Variants in RAB15 observed in about 807,000 individuals in gnomAD.
RAB15 encodes RAB15, member RAS oncogene family.
Under a neutral mutation model 31.8 loss-of-function variants are expected in RAB15, and 13 were observed. That is an observed-to-expected ratio of 0.41 (90% CI 0.27 to 0.65). RAB15 has a LOEUF of 0.65. Among genes scored for constraint, RAB15 ranks in the 30% least tolerant of loss-of-function variants. The pLI, the probability that RAB15 is intolerant of heterozygous loss-of-function variation, is 0.32. For synonymous variants in RAB15, 100 were observed against 105.6 expected, an observed-to-expected ratio of 0.95 and a Z score of 0.33; for missense variants, 220 against 277.3, an observed-to-expected ratio of 0.79 and a Z score of 1.47.
At position 64,952,462 on chromosome 14, in the gene RAB15, C is replaced by G. The variant is rs553832273; in HGVS notation, c.185+49G>C. 6.9e-7 allele frequency: 1 copy of G among 1,443,000 alleles called. No individual in the cohort carries two copies. The highest frequency in any genetic ancestry group is 9.7e-7 in the Non-Finnish European group (1 of 1,027,686). 89.4% of individuals were successfully genotyped at this position (1,443,000 alleles called of 1,614,324 possible). Reference sequence around the variant, plus strand: ...CATGGCAGGGGCAGCTAAGGAGCAGCCAGAAGTCCTCTTCTCCTACATCTG... The same window carrying G: ...CATGGCAGGGGCAGCTAAGGAGCAGGCAGAAGTCCTCTTCTCCTACATCTG... On this transcript the variant is annotated intron_variant, in intron 2 of 6. Coordinates refer to ENST00000533601, the MANE Select transcript of RAB15 (RefSeq NM_001308154.2). This position sits in a 1 kb window ranked among gnomAD's most constrained non-coding sequence, Gnocchi z 4.2.
intron 5 of RAB15, among the ~76,000 whole-genome samples, chr14:64,949,996 A>G (rs1886158350): frequency 6.6e-6 from 1 of 152,128 alleles, no homozygotes; most frequent in African/African-American, 2.4e-5. Flanking sequence ...ATGCTGTCAG[A>G]GAAGAGGTTG....
At position 64,951,866 on chromosome 14, in the gene RAB15, C is replaced by T. The variant is rs1260207847; in HGVS notation, c.186-203G>A. Among the ~76,000 whole-genome samples, 1 of 152,222 alleles carries T rather than the reference C, an allele frequency of 6.6e-6. No homozygotes were observed. Among genetic ancestry groups the T allele is most frequent in the African/African-American group, 2.4e-5 (1 of 41,466 alleles). ...CCAGGCCTGCAGGGCCTTGGCCCCT[C>T]CTGCCAACTGCCCTCCTGGCAGAAA... On this transcript the variant is annotated intron_variant, in intron 2 of 6. Transcript: ENST00000533601. This position sits in a 1 kb window ranked among gnomAD's most constrained non-coding sequence, Gnocchi z 7.2.
intron 5 of RAB15, among the ~76,000 whole-genome samples, chr14:64,949,737 AAAG>A (rs948804582): frequency 1.8e-4 from 26 of 144,978 alleles, no homozygotes; most frequent in South Asian, 1.5e-3. Flanking sequence ...AAAAAAAAAA[AAAG>A]AAAGAAAGAA....
intron 1 of RAB15, among the ~76,000 whole-genome samples, chr14:64,969,145 A>G (rs573065785): frequency 6.6e-6 from 1 of 152,334 alleles, no homozygotes; most frequent in South Asian, 2.1e-4. Flanking sequence ...ATGGTCATGT[A>G]ATGTGTTTTA....
intron 1 of RAB15, among the ~76,000 whole-genome samples, chr14:64,967,200 C>T (rs1413349036): frequency 6.6e-6 from 1 of 152,208 alleles, no homozygotes; most frequent in Non-Finnish European, 1.5e-5. Flanking sequence ...CCTCCTCACC[C>T]AGAAGGAGTG....
rs1359283388 is a variant in RAB15, at chr14:64,962,417, G to A, written c.124+9536C>T. 2.0e-5 allele frequency among the ~76,000 whole-genome samples: 3 copies of A among 152,186 alleles called. No individual in the cohort carries two copies. Among genetic ancestry groups the A allele is most frequent in the Non-Finnish European group, 4.4e-5 (3 of 68,036 alleles). ...GGTACTAGAAGATAAGCTATGAACA[G>A]CACAGAAAGATCCTTGTCATCAGAG... On this transcript the variant is annotated intron_variant, in intron 1 of 6. Transcript: ENST00000533601. The surrounding 1 kb of genome is among the most constrained non-coding windows in gnomAD (Gnocchi z 4.2).
chr14:64,965,462 A>AAAAAT (rs1264757026), intron 1 of RAB15, among the ~76,000 whole-genome samples: 1 of 152,160 alleles, frequency 6.6e-6, no homozygotes, highest in Non-Finnish European at 1.5e-5. Flanking sequence ...TTCATCTCAA[A>AAAAAT]AAAATAAAAT....
In RAB15 at chr14:64,958,746, G is replaced by C. The variant is rs553147077; in HGVS notation, c.125-6175C>G. ...CTACACAGCTCTGGCAGAGGTTCTC[G>C]GAGACGCTGAGAGCCCCAGGAGGAG... On this transcript the variant is annotated intron_variant, in intron 1 of 6. Coordinates refer to ENST00000533601, the MANE Select transcript of RAB15 (RefSeq NM_001308154.2). The surrounding 1 kb of genome is among the most constrained non-coding windows in gnomAD (Gnocchi z 4.4). Among the ~76,000 whole-genome samples the C allele has an allele frequency of 1.3e-5, 2 of 152,152 alleles. No individual in the cohort carries two copies. The highest frequency in any genetic ancestry group is 4.8e-5 in the African/African-American group (2 of 41,420).
rs918223636 is a variant in RAB15 at position 64,947,973 on chromosome 14, G to A, written c.*381C>T. 14 of 194,344 alleles carry A rather than the reference G, an allele frequency of 7.2e-5. No individual in the cohort carries two copies. The highest frequency in any genetic ancestry group is 3.2e-4 in the African/African-American group (14 of 43,124). The allele number at this position is 194,344 out of a possible 1,614,324, so 12.0% of individuals were successfully genotyped here. On this transcript the variant is annotated 3_prime_UTR_variant, in exon 7 of 7. Transcript: ENST00000533601. The surrounding 1 kb of genome is among the most constrained non-coding windows in gnomAD (Gnocchi z 5.6). ...GAGGGGTCAGAGAAAGAGAAGTGGG[G>A]GAAGAGAGAAAAAGCAGAGAAGAGA...
chr14:64,963,612 C>T (rs972544865), intron 1 of RAB15, among the ~76,000 whole-genome samples: 3 of 152,218 alleles, frequency 2.0e-5, no homozygotes, highest in Non-Finnish European at 2.9e-5. Flanking sequence ...GACATAGAAA[C>T]TCAGGAGCAA....
rs895818249 is a variant in RAB15 at position 64,946,867 on chromosome 14, C to G, written c.*1487G>C. 1 of 152,698 alleles carries G rather than the reference C, an allele frequency of 6.5e-6. No homozygotes were observed. Among genetic ancestry groups the G allele is most frequent in the South Asian group, 2.1e-4 (1 of 4,816 alleles). The allele number at this position is 152,698 out of a possible 1,614,324, so 9.5% of individuals were successfully genotyped here. On this transcript the variant is annotated 3_prime_UTR_variant, in exon 7 of 7. Transcript: ENST00000533601. ...AGTAGAACTGGTAAATTACTTGTTC[C>G]GTCTTTAAAGGGCCTCCTACGAGCT...
At position 64,951,466 on chromosome 14, in the gene RAB15, C is replaced by T. The variant is rs1237350176; in HGVS notation, c.246+137G>A. On this transcript the variant is annotated intron_variant, in intron 3 of 6. Transcript: ENST00000533601. The surrounding 1 kb of genome is among the most constrained non-coding windows in gnomAD (Gnocchi z 7.2). ...AATGGACGGACAAATGATCAGTGAA[C>T]AGCTGAAAGACGCCCTGCGCTCCTC... The T allele has an allele frequency of 7.2e-6, 6 of 837,892 alleles. No homozygotes were observed. Among genetic ancestry groups the T allele is most frequent in the Admixed American group, 1.7e-5 (1 of 57,470 alleles). The allele number at this position is 837,892 out of a possible 1,614,324, so 51.9% of individuals were successfully genotyped here.
At position 64,952,872 on chromosome 14, in the gene RAB15, C is replaced by CA. The variant is rs1886337816; in HGVS notation, c.125-302dup. Among the ~76,000 whole-genome samples the CA allele has an allele frequency of 6.6e-6, 1 of 152,246 alleles. No homozygotes were observed. The highest frequency in any genetic ancestry group is 1.5e-5 in the Non-Finnish European group (1 of 68,034). On this transcript the variant is annotated intron_variant, in intron 1 of 6. Coordinates refer to ENST00000533601, the MANE Select transcript of RAB15 (RefSeq NM_001308154.2). This position sits in a 1 kb window ranked among gnomAD's most constrained non-coding sequence, Gnocchi z 4.2. ...ACTGCCTTACTCGACAGACTTAAAA[C>CA]ATGTCTCGTTCTAGTCATGTGTGAA...
In RAB15 at chr14:64,948,395, G is replaced by T. The variant is rs1172029311; in HGVS notation, c.598C>A (p.Pro200Thr). 2 of 1,611,330 alleles carry T rather than the reference G, an allele frequency of 1.2e-6. No individual in the cohort carries two copies. Among genetic ancestry groups the T allele is most frequent in the Admixed American group, 1.7e-5 (1 of 59,786 alleles). Residue 200 changes from proline to threonine, a missense_variant, in exon 7 of 7, where the codon CCC becomes ACC. Physicochemically the swap from Pro to Thr is conservative, Grantham distance 38. Transcript: ENST00000533601. The surrounding 1 kb of genome is among the most constrained non-coding windows in gnomAD (Gnocchi z 7.0). ...TTCGAAGAGTTCGCTGGGCCCTCGG[G>T]TTTGCCCTCCTCCTCCTCCAGCTCT... is the stretch of plus-strand genomic sequence containing the variant. The part of the protein sequence containing the change: ...LAELEEEEGK[P>T]EGPANSSKTC...
At chr14:64,959,803 G>A (rs1022920249) in intron 1 of RAB15, among the ~76,000 whole-genome samples, 13 of 140,536 alleles carry the variant, frequency 9.3e-5, no homozygotes, top group African/African-American at 2.7e-4. Flanking sequence ...AGTCTGGGAG[G>A]TTGAGGCTGC....
chr14:64,971,985 T>G lies in RAB15; in HGVS notation c.92A>C (p.Asn31Thr). 1.2e-6 allele frequency: 2 copies of G among 1,600,668 alleles called. No homozygotes were observed. Among genetic ancestry groups the G allele is most frequent in the Non-Finnish European group, 1.7e-6 (2 of 1,173,938 alleles). The change falls in exon 1 of 7, where the codon AAC becomes ACC. Residue 31 changes from asparagine (N) to threonine (T), a missense_variant. By Grantham distance (65) the Asn-to-Thr change is moderately conservative (BLOSUM62 0). Transcript: ENST00000533601. The surrounding 1 kb of genome is among the most constrained non-coding windows in gnomAD (Gnocchi z 4.1). Reference sequence around the variant, plus strand: ...GGAGATGTGCGAGGAGTGGAACTCGTTGTCGGTGAAGCGGCACAGCAGGCA... The same window carrying G: ...GGAGATGTGCGAGGAGTGGAACTCGGTGTCGGTGAAGCGGCACAGCAGGCA... ...KTCLLCRFTDNEFHSSHISTI... is the reference protein window; with the variant it reads ...KTCLLCRFTDTEFHSSHISTI...
At chr14:64,965,481 A>T (rs746502008) in intron 1 of RAB15, among the ~76,000 whole-genome samples, 2 of 152,048 alleles carry the variant, frequency 1.3e-5, no homozygotes, top group Non-Finnish European at 1.5e-5. Flanking sequence ...ATAAAATAAA[A>T]CAGGGCTGGT....
intron 1 of RAB15, among the ~76,000 whole-genome samples, chr14:64,957,676 G>A (rs551683297): frequency 6.6e-6 from 1 of 152,260 alleles, no homozygotes; most frequent in South Asian, 2.1e-4. Flanking sequence ...GAGCCACAGG[G>A]AAGCCAATTC....
At chr14:64,960,760 A>T (rs1271342619) in intron 1 of RAB15, among the ~76,000 whole-genome samples, 4 of 152,132 alleles carry the variant, frequency 2.6e-5, no homozygotes, top group African/African-American at 9.7e-5. Flanking sequence ...GAGCTCTAGG[A>T]TGTAGAAGGA....
Sources: allele counts gnomAD v4.1 joint callset (sites outside exome capture counted in the v4.1 genomes callset), GRCh38; gene constraint gnomAD v4.1.1; non-coding constraint Gnocchi (gnomAD v3.1); transcripts MANE v1.5; gene names NCBI Gene and HGNC (gene_info 2026-07-23, HGNC 2026-07-21).